PTBP2: variants seen among roughly 807,000 people sequenced by gnomAD.
The protein encoded by PTBP2 is polypyrimidine tract-binding protein 2.
Under a neutral mutation model 61.4 loss-of-function variants are expected in PTBP2, and 13 were observed. The observed-to-expected ratio is 0.21, with a 90% CI of 0.14 to 0.34. The LOEUF (loss-of-function observed/expected upper bound fraction) is 0.34, where lower values mean the gene tolerates loss of function less well. Ranked by LOEUF, PTBP2 falls within the 10% of genes least tolerant of loss-of-function variation. PTBP2 has a pLI of 1.00. For synonymous variants in PTBP2, 215 were observed against 218.5 expected, an observed-to-expected ratio of 0.98 and a Z score of 0.14; for missense variants, 405 against 642.6, an observed-to-expected ratio of 0.63 and a Z score of 4.00.
At chr1:96,762,651 G>A (rs1159755893) in intron 3 of PTBP2, among the ~76,000 whole-genome samples, 1 of 149,314 alleles carries the variant, frequency 6.7e-6, no homozygotes, top group Non-Finnish European at 1.5e-5. Context: ...CCCGGAAGGG[G>A]CGGCTGGCCG....
At chr1:96,788,220 A>G (rs1006252309) in intron 8 of PTBP2, among the ~76,000 whole-genome samples, 2 of 152,140 alleles carry the variant, frequency 1.3e-5, no homozygotes, top group Non-Finnish European at 2.9e-5. Context: ...TTCTTATAAA[A>G]TGCATAGTAA....
intron 7 of PTBP2, among the ~76,000 whole-genome samples, chr1:96,781,932 A>G (rs1250287410): frequency 6.6e-6 from 1 of 152,018 alleles, no homozygotes; most frequent in East Asian, 1.9e-4. Flanking sequence ...TTAGGCAAAG[A>G]TGCGTCTTCT....
intron 2 of PTBP2, among the ~76,000 whole-genome samples, chr1:96,741,242 GTTTGT>G (rs1436392656): frequency 6.7e-6 from 1 of 149,816 alleles, no homozygotes; most frequent in Non-Finnish European, 1.5e-5. Context: ...TTTTTGGTTT[GTTTGT>G]TTTGTTTTGT....
intron 7 of PTBP2, among the ~76,000 whole-genome samples, chr1:96,783,239 T>A (rs969456458): frequency 2.6e-5 from 4 of 152,048 alleles, no homozygotes; most frequent in Non-Finnish European, 4.4e-5. Flanking sequence ...GGATTTTTGC[T>A]CTCATACACC....
chr1:96,815,727 TATA>T (rs1662456715), downstream of PTBP2: 1 of 152,154 alleles, frequency 6.6e-6, no homozygotes, highest in African/African-American at 2.4e-5. Context: ...GAAAGAAGAA[TATA>T]ATAAGTAAAA....
chr1:96,741,685 C>G (rs570089847), intron 2 of PTBP2, among the ~76,000 whole-genome samples: 73 of 152,172 alleles, frequency 4.8e-4, no homozygotes, highest in African/African-American at 1.7e-3. Context: ...AAACATTTAA[C>G]CTAAGGCCTT....
intron 2 of PTBP2, among the ~76,000 whole-genome samples, chr1:96,748,952 T>C (rs1474370886): frequency 2.6e-5 from 4 of 152,198 alleles, no homozygotes; most frequent in South Asian, 2.1e-4. Flanking sequence ...CAAATAAAAA[T>C]GTAATTTGTA....
At chr1:96,789,569 A>G (rs1659567456) in intron 8 of PTBP2, among the ~76,000 whole-genome samples, 1 of 152,130 alleles carries the variant, frequency 6.6e-6, no homozygotes, top group Admixed American at 6.5e-5. Context: ...CACAATTTTA[A>G]TTAGCTGTTA....
At chr1:96,777,023 A>T (rs1338209272) in intron 5 of PTBP2, among the ~76,000 whole-genome samples, 1 of 151,990 alleles carries the variant, frequency 6.6e-6, no homozygotes, top group East Asian at 1.9e-4. Flanking sequence ...AGTTTACCTG[A>T]GAATTTTGTG....
intron 3 of PTBP2, among the ~76,000 whole-genome samples, chr1:96,768,575 A>C (rs1337617271): frequency 6.6e-6 from 1 of 152,026 alleles, no homozygotes; most frequent in African/African-American, 2.4e-5. Context: ...TTGATCTGGC[A>C]TAGTAGATAT....
intron 8 of PTBP2, among the ~76,000 whole-genome samples, chr1:96,788,126 A>T (rs1046661184): frequency 6.6e-6 from 1 of 152,154 alleles, no homozygotes; most frequent in African/African-American, 2.4e-5. Context: ...GTTAAGATTT[A>T]GTTTACAATC....
intron 2 of PTBP2, among the ~76,000 whole-genome samples, chr1:96,730,445 G>A (rs918451952): frequency 6.6e-6 from 1 of 152,056 alleles, no homozygotes; most frequent in Non-Finnish European, 1.5e-5. Flanking sequence ...TTTGACCCAT[G>A]GGTTATTGGA....
At chr1:96,770,055 T>C (rs1657212157) in intron 4 of PTBP2, among the ~76,000 whole-genome samples, 180 bp downstream of exon 4, 1 of 152,056 alleles carries the variant, frequency 6.6e-6, no homozygotes, top group African/African-American at 2.4e-5. Context: ...AGTGAATCAC[T>C]ATAGTTTTTA....
intron 2 of PTBP2, among the ~76,000 whole-genome samples, chr1:96,739,211 TAA>T (rs1413388080): frequency 1.3e-5 from 2 of 152,302 alleles, no homozygotes; most frequent in East Asian, 1.9e-4. Flanking sequence ...TTAATATTGA[TAA>T]AGTTATTAAT....
chr1:96,730,628 A>G (rs1651269385), intron 2 of PTBP2, among the ~76,000 whole-genome samples: 1 of 152,194 alleles, frequency 6.6e-6, no homozygotes, highest in Admixed American at 6.5e-5. Flanking sequence ...GTTGTTAAGT[A>G]TTCACTGAAT....
In PTBP2 at chr1:96,815,007, C is replaced by A. The variant is rs1376460873; in HGVS notation, c.*1602C>A. On this transcript the variant is annotated 3_prime_UTR_variant, in exon 14 of 14. Transcript: ENST00000674951. ...GGAAAGGAGTAATAATATTACAATT[C>A]TATGGCTTTATACCATAAATAAATC... 1 of 152,388 alleles carries A rather than the reference C, an allele frequency of 6.6e-6. No homozygotes were observed. 9.4% of individuals were successfully genotyped at this position (152,388 alleles called of 1,614,324 possible). A position where few individuals can be genotyped will look rare whatever the true frequency, so the allele number is the denominator to read the frequency against.
exon 14 of PTBP2, chr1:96,823,359 T>C (rs748003128): frequency 5.3e-5 from 8 of 152,370 alleles, no homozygotes; most frequent in Non-Finnish European, 1.0e-4. Flanking sequence ...CTCTATACTA[T>C]TGCTGCTGCT....
intron 5 of PTBP2, among the ~76,000 whole-genome samples, chr1:96,773,829 G>A (rs191500889): frequency 9.9e-5 from 15 of 152,068 alleles, no homozygotes; most frequent in Admixed American, 5.9e-4. Context: ...TGGGCGTGGT[G>A]GCGGGCGCCT....
At chr1:96,787,222 A>C (rs961946958) in intron 8 of PTBP2, among the ~76,000 whole-genome samples, 8 of 151,894 alleles carry the variant, frequency 5.3e-5, no homozygotes, top group African/African-American at 1.9e-4. Flanking sequence ...AGATTTCACC[A>C]TGTTGGCCAG....
Sources: allele counts gnomAD v4.1 joint callset (sites outside exome capture counted in the v4.1 genomes callset), GRCh38; gene constraint gnomAD v4.1.1; transcripts MANE v1.5; gene names NCBI Gene and HGNC (gene_info 2026-07-23, HGNC 2026-07-21).